SLC44A3: variants seen among roughly 807,000 people sequenced by gnomAD.
SLC44A3 encodes the protein solute carrier family 44 member 3, also known as choline transporter-like protein 3.
SLC44A3 carries 74 observed loss-of-function variants against 75.4 expected under a neutral mutation model. The ratio of observed to expected loss-of-function variants is 0.98; its 90% confidence interval spans 0.81 to 1.19. The LOEUF (loss-of-function observed/expected upper bound fraction) is 1.19. SLC44A3 is among the 50% of genes most tolerant of loss of function. SLC44A3 has a pLI of 0.00. For synonymous variants in SLC44A3, 310 were observed against 296.9 expected (o/e 1.04, Z -0.45); for missense variants, 700 against 778.6 (o/e 0.90, Z 1.20).
At chr1:94,849,899 A>T (rs1260481183) in intron 9 of SLC44A3, among the ~76,000 whole-genome samples, 1 of 152,016 alleles carries the variant, frequency 6.6e-6, no homozygotes, top group Non-Finnish European at 1.5e-5. Flanking sequence ...TGCACATGCC[A>T]CTATGCCTAG....
chr1:94,878,985 A>T (rs1668626785), intron 12 of SLC44A3, among the ~76,000 whole-genome samples: 1 of 152,198 alleles, frequency 6.6e-6, no homozygotes, highest in Non-Finnish European at 1.5e-5. Flanking sequence ...AAAATACAGG[A>T]GAAAAGTGTC....
intron 13 of SLC44A3, among the ~76,000 whole-genome samples, chr1:94,891,849 G>GTT (rs1670250492): frequency 6.6e-6 from 1 of 151,194 alleles, no homozygotes; most frequent in Admixed American, 6.6e-5. Context: ...CTTGAACCTG[G>GTT]GAGGCGGAGG....
intron 5 of SLC44A3, among the ~76,000 whole-genome samples, chr1:94,831,194 C>G (rs1662079449): frequency 6.6e-6 from 1 of 152,156 alleles, no homozygotes; most frequent in Non-Finnish European, 1.5e-5. Context: ...CCTTTTCACC[C>G]TAAATGCAAA....
intron 14 of SLC44A3, 94 bp downstream of exon 14, chr1:94,892,611 C>G (rs1181211502): frequency 2.4e-6 from 3 of 1,233,922 alleles, no homozygotes; most frequent in Non-Finnish European, 3.5e-6. Flanking sequence ...CATACCCAGC[C>G]TCTCTCTTCT....
At chr1:94,850,936 A>C (rs957730246) in intron 9 of SLC44A3, among the ~76,000 whole-genome samples, 1 of 152,182 alleles carries the variant, frequency 6.6e-6, no homozygotes, top group Admixed American at 6.5e-5. Flanking sequence ...CTAGTGGCCC[A>C]GTCTTGTTCT....
intron 6 of SLC44A3, among the ~76,000 whole-genome samples, chr1:94,838,460 A>C (rs752777304): frequency 6.6e-6 from 1 of 152,184 alleles, no homozygotes; most frequent in Non-Finnish European, 1.5e-5. Flanking sequence ...TCTATGTTTC[A>C]GTTGGCTGAA....
intron 5 of SLC44A3, among the ~76,000 whole-genome samples, chr1:94,834,383 C>A (rs1662509548): frequency 6.6e-6 from 1 of 152,068 alleles, no homozygotes; most frequent in Non-Finnish European, 1.5e-5. Flanking sequence ...GATTGAATAA[C>A]ACAATTAAGA....
At chr1:94,820,773 T>A in intron 1 of SLC44A3, 176 bp from the exon 2 acceptor site, 1 of 1,395,872 alleles carries the variant, frequency 7.2e-7, no homozygotes, top group Non-Finnish European at 9.3e-7. Flanking sequence ...GCAGAGCAGG[T>A]GTTTCAAAGG....
chr1:94,845,171 TA>T, intron 8 of SLC44A3, 106 bp from the exon 9 acceptor site: 1 of 1,197,346 alleles, frequency 8.4e-7, no homozygotes, highest in Non-Finnish European at 1.2e-6. Context: ...GTAACTATCT[TA>T]AAAGAGCTGT....
At chr1:94,850,188 G>GT (rs1356108864) in intron 9 of SLC44A3, among the ~76,000 whole-genome samples, 1 of 152,028 alleles carries the variant, frequency 6.6e-6, no homozygotes, top group Admixed American at 6.5e-5. Context: ...ATTCTGACTT[G>GT]TTTGGGGATT....
chr1:94,842,266 T>C, intron 8 of SLC44A3, 142 bp downstream of exon 8: 1 of 1,182,954 alleles, frequency 8.5e-7, no homozygotes, highest in Non-Finnish European at 1.2e-6. Context: ...GATACCTGTA[T>C]AGGGATAATT....
chr1:94,882,481 A>G (rs1467200233), intron 12 of SLC44A3, among the ~76,000 whole-genome samples: 2 of 152,218 alleles, frequency 1.3e-5, no homozygotes, highest in African/African-American at 4.8e-5. Context: ...TTTGCCTTCC[A>G]GAAAGCCAGG....
At chr1:94,864,460 G>A (rs760734180) in intron 10 of SLC44A3, among the ~76,000 whole-genome samples, 1 of 152,180 alleles carries the variant, frequency 6.6e-6, no homozygotes. Flanking sequence ...GCACCCTAAA[G>A]GGTTGGTGGA....
intron 5 of SLC44A3, among the ~76,000 whole-genome samples, chr1:94,833,085 G>T (rs1453688678): frequency 6.6e-6 from 1 of 152,132 alleles, no homozygotes; most frequent in Non-Finnish European, 1.5e-5. Flanking sequence ...GAAGGCCATA[G>T]TCCAGGAAGG....
intron 9 of SLC44A3, among the ~76,000 whole-genome samples, chr1:94,848,791 T>C (rs1664798216): frequency 6.6e-6 from 1 of 152,010 alleles, no homozygotes; most frequent in African/African-American, 2.4e-5. Flanking sequence ...ATGGATGTGA[T>C]GATCAGAGAA....
chr1:94,830,272 G>A (rs1661947516), intron 5 of SLC44A3, among the ~76,000 whole-genome samples: 1 of 152,134 alleles, frequency 6.6e-6, no homozygotes, highest in Non-Finnish European at 1.5e-5. Context: ...GAGTGCAGTG[G>A]TGCGATCTCA....
chr1:94,885,541 C>T (rs1669493554), intron 12 of SLC44A3, among the ~76,000 whole-genome samples: 1 of 152,182 alleles, frequency 6.6e-6, no homozygotes, highest in South Asian at 2.1e-4. Flanking sequence ...TGGTGCATCT[C>T]ATGAGAACAC....
intron 7 of SLC44A3, among the ~76,000 whole-genome samples, chr1:94,841,459 G>A (rs1663631770): frequency 6.6e-6 from 1 of 152,132 alleles, no homozygotes; most frequent in South Asian, 2.1e-4. Flanking sequence ...TATAGTTACT[G>A]TGGATATGGC....
intron 12 of SLC44A3, among the ~76,000 whole-genome samples, chr1:94,882,102 G>A (rs748063026): frequency 3.9e-5 from 6 of 152,202 alleles, no homozygotes; most frequent in Non-Finnish European, 8.8e-5. Context: ...AGTATGCCAG[G>A]CACCATGGTA....
Sources: allele counts gnomAD v4.1 joint callset (sites outside exome capture counted in the v4.1 genomes callset), GRCh38; gene constraint gnomAD v4.1.1; transcripts MANE v1.5; gene names NCBI Gene and HGNC (gene_info 2026-07-23, HGNC 2026-07-21).